Variants in PRKN observed in about 807,000 individuals in gnomAD.
The protein encoded by PRKN is parkin RBR E3 ubiquitin protein ligase, also known as E3 ubiquitin-protein ligase parkin.
PRKN carries 56 observed loss-of-function variants against 59.5 expected under a neutral mutation model. The ratio of observed to expected loss-of-function variants is 0.94; its 90% confidence interval spans 0.76 to 1.18. The LOEUF (loss-of-function observed/expected upper bound fraction) is 1.18, where lower values mean the gene tolerates loss of function less well. Among genes scored for constraint, PRKN ranks in the 50% most tolerant of loss-of-function variants. PRKN has a pLI of 0.00. For missense variants in PRKN, 657 were observed against 596.4 expected, an observed-to-expected ratio of 1.10 and a Z score of -1.06; for synonymous variants, 250 against 222.1, an observed-to-expected ratio of 1.13 and a Z score of -1.12.
intron 6 of PRKN, among the ~76,000 whole-genome samples, chr6:161,795,086 A>T: frequency 6.6e-6 from 1 of 151,790 alleles, no homozygotes; most frequent in Non-Finnish European, 1.5e-5. Flanking sequence ...GGGTTTCACC[A>T]AGCTAGCCAG....
intron 7 of PRKN, among the ~76,000 whole-genome samples, chr6:161,736,873 G>A (rs80175408): frequency 0.051 from 7,762 of 152,258 alleles, 268 homozygotes; most frequent in African/African-American, 0.089. Context: ...CTCCAAATTT[G>A]TGTTTTGTCT....
chr6:161,973,000 TTA>T (rs1291315168), intron 6 of PRKN, among the ~76,000 whole-genome samples: 1 of 152,268 alleles, frequency 6.6e-6, no homozygotes, highest in African/African-American at 2.4e-5. Flanking sequence ...ATATGTGAGC[TTA>T]TATTTTAATA....
chr6:161,641,237 T>C (rs1168336188), intron 7 of PRKN, among the ~76,000 whole-genome samples: 1 of 152,246 alleles, frequency 6.6e-6, no homozygotes, highest in Admixed American at 6.5e-5. Context: ...TTAGAAATGA[T>C]GGTTTAGGAG....
chr6:162,087,795 T>C (rs954586873), intron 4 of PRKN, among the ~76,000 whole-genome samples: 21 of 152,064 alleles, frequency 1.4e-4, no homozygotes, highest in African/African-American at 5.1e-4. Flanking sequence ...GGTTTCACCA[T>C]GTTGGTCAGG....
chr6:161,575,711 A>T lies in PRKN; in HGVS notation c.872-6295T>A, dbSNP rs1781105097. 6.6e-6 allele frequency among the ~76,000 whole-genome samples: 1 copy of T among 152,216 alleles called. No homozygotes were observed. Among genetic ancestry groups the T allele is most frequent in the Non-Finnish European group, 1.5e-5 (1 of 68,038 alleles). On this transcript the variant is annotated intron_variant, in intron 7 of 11. Coordinates refer to ENST00000366898, the MANE Select transcript of PRKN (RefSeq NM_004562.3). This position sits in a 1 kb window ranked among gnomAD's most constrained non-coding sequence, Gnocchi z 4.6. ...CTCTGATGTGCTCCTGGCACTGGTC[A>T]CATGACACAAATAATCTGCAATTTG...
chr6:161,481,330 C>A (rs529243651), intron 9 of PRKN, among the ~76,000 whole-genome samples: 1 of 152,182 alleles, frequency 6.6e-6, no homozygotes, highest in South Asian at 2.1e-4. Context: ...TTTGGCTGGG[C>A]GCGTTGGCTC....
intron 4 of PRKN, among the ~76,000 whole-genome samples, chr6:162,068,743 C>T (rs376347222): frequency 6.7e-6 from 1 of 148,268 alleles, no homozygotes; most frequent in African/African-American, 2.5e-5. Flanking sequence ...ATAATTGGCA[C>T]GGTCAGGGAA....
At chr6:162,432,622 C>G (rs553620990) in intron 2 of PRKN, among the ~76,000 whole-genome samples, 2 of 152,164 alleles carry the variant, frequency 1.3e-5, no homozygotes, top group Non-Finnish European at 2.9e-5. Flanking sequence ...TAAAGCCACA[C>G]AACTGGATTT....
chr6:162,373,579 T>TG (rs1009430061), intron 2 of PRKN, among the ~76,000 whole-genome samples: 8 of 152,248 alleles, frequency 5.3e-5, no homozygotes, highest in African/African-American at 1.9e-4. Context: ...TGTTGGGATT[T>TG]GGGAAAAAGA....
At chr6:161,836,036 T>A (rs1274256891) in intron 6 of PRKN, among the ~76,000 whole-genome samples, 2 of 152,196 alleles carry the variant, frequency 1.3e-5, no homozygotes, top group Non-Finnish European at 2.9e-5. Context: ...GATGACAGGC[T>A]TTTTTCTTTA....
chr6:162,522,053 C>T (rs1778098260), intron 1 of PRKN, among the ~76,000 whole-genome samples: 1 of 152,160 alleles, frequency 6.6e-6, no homozygotes, highest in Non-Finnish European at 1.5e-5. Context: ...TATCCTCAAC[C>T]TGATAGTTTT....
rs1785825663 is a variant in PRKN, at chr6:161,692,222, A to G, written c.871+93550T>C. 2.0e-5 allele frequency among the ~76,000 whole-genome samples: 3 copies of G among 152,280 alleles called. No individual in the cohort carries two copies. The South Asian group carries it at 6.2e-4, about 32-fold the overall frequency. ...ACTTTAAGATGGAAATATGTGCTCT[A>G]AGGGAAATAATAACCAGAATAACTT... On this transcript the variant is annotated intron_variant, in intron 7 of 11. Transcript: ENST00000366898.
At chr6:161,681,164 GT>G (rs1785348004) in intron 7 of PRKN, among the ~76,000 whole-genome samples, 1 of 152,030 alleles carries the variant, frequency 6.6e-6, no homozygotes, top group African/African-American at 2.4e-5. Context: ...TTTTTGCCAT[GT>G]TGGCCAGGCT....
At chr6:162,363,016 T>C (rs778752953) in intron 2 of PRKN, among the ~76,000 whole-genome samples, 5 of 149,832 alleles carry the variant, frequency 3.3e-5, no homozygotes, top group Non-Finnish European at 7.4e-5. Context: ...TAGTCACAGC[T>C]ACTCGGGAGG....
At chr6:162,260,055 ATCT>A (rs1455633786) in intron 3 of PRKN, among the ~76,000 whole-genome samples, 3 of 152,202 alleles carry the variant, frequency 2.0e-5, no homozygotes, top group African/African-American at 7.2e-5. Context: ...GATGCAACAT[ATCT>A]TTACAGAGGC....
rs1290435650 is a variant in PRKN at position 161,471,946 on chromosome 6, C to T, written c.1083+76908G>A. The stretch of plus-strand genomic sequence containing the variant: ...ACCTGGAATCTGTTTAATTTCAATA[C>T]CAACTTTGGGAGACATTAAAAAAAA... On this transcript the variant is annotated intron_variant, in intron 9 of 11. Coordinates refer to ENST00000366898, the MANE Select transcript of PRKN (RefSeq NM_004562.3). This position sits in a 1 kb window ranked among gnomAD's most constrained non-coding sequence, Gnocchi z 4.5. Among the ~76,000 whole-genome samples the T allele has an allele frequency of 6.6e-6, 1 of 151,792 alleles. No individual in the cohort carries two copies. Among genetic ancestry groups the T allele is most frequent in the Admixed American group, 6.6e-5 (1 of 15,248 alleles).
rs1450181851 is a variant in PRKN, at chr6:161,471,180, A to G, written c.1083+77674T>C. ...ACTCCCTCTCAATAGAGGGAGAGAC[A>G]GAGAAAGGCCAGGTAATGAATAGAG... is the stretch of plus-strand genomic sequence containing the variant. On this transcript the variant is annotated intron_variant, in intron 9 of 11. Coordinates refer to ENST00000366898, the MANE Select transcript of PRKN (RefSeq NM_004562.3). This position sits in a 1 kb window ranked among gnomAD's most constrained non-coding sequence, Gnocchi z 4.5. 1.3e-5 allele frequency among the ~76,000 whole-genome samples: 2 copies of G among 152,218 alleles called. No homozygotes were observed. Among genetic ancestry groups the G allele is most frequent in the African/African-American group, 4.8e-5 (2 of 41,452 alleles).
chr6:161,425,948 G>C (rs183998775), intron 9 of PRKN, among the ~76,000 whole-genome samples: 11 of 152,146 alleles, frequency 7.2e-5, no homozygotes, highest in African/African-American at 2.4e-5. Flanking sequence ...CCTCCTTTTA[G>C]AGACTAATAC....
intron 9 of PRKN, among the ~76,000 whole-genome samples, chr6:161,425,925 T>C (rs976474733): frequency 6.6e-6 from 1 of 152,020 alleles, no homozygotes; most frequent in Non-Finnish European, 1.5e-5. Flanking sequence ...AAAAGTGCAG[T>C]GGTCTGTCCT....
Sources: allele counts gnomAD v4.1 joint callset (sites outside exome capture counted in the v4.1 genomes callset), GRCh38; gene constraint gnomAD v4.1.1; non-coding constraint Gnocchi (gnomAD v3.1); transcripts MANE v1.5; gene names NCBI Gene and HGNC (gene_info 2026-07-23, HGNC 2026-07-21).